KLRG1: variants seen among roughly 807,000 people sequenced by gnomAD.
The protein encoded by KLRG1 is killer cell lectin like receptor G1.
In KLRG1, 16 loss-of-function variants were observed where a neutral mutation model predicts 21.8. The observed-to-expected ratio is 0.73, with a 90% CI of 0.50 to 1.11. KLRG1 has a LOEUF of 1.11. KLRG1 is among the 50% of genes most tolerant of loss of function. The pLI is 0.00. For synonymous variants in KLRG1, 69 were observed against 75.9 expected (o/e 0.91, Z 0.47); for missense variants, 173 against 218.3 (o/e 0.79, Z 1.31).
the KLRG1 span, chr12:9,116,175 A>C: frequency 6.0e-6 from 2 of 332,206 alleles, no homozygotes; most frequent in South Asian, 2.6e-5. Flanking sequence ...TCTCTCCCTC[A>C]CTCCCCCACA....
chr12:9,158,554 T>A, the KLRG1 span: 1 of 1,614,098 alleles, frequency 6.2e-7, no homozygotes, highest in Non-Finnish European at 8.5e-7. Context: ...TGGGCGAAAG[T>A]CTTCAGTACA....
the KLRG1 span, among the ~76,000 whole-genome samples, chr12:9,095,921 G>A: frequency 3.3e-5 from 5 of 150,898 alleles, no homozygotes; most frequent in East Asian, 5.8e-4. Context: ...CACCGCGCCC[G>A]GCTAATTTTT....
the KLRG1 span, chr12:9,158,286 A>G: frequency 1.5e-6 from 2 of 1,319,768 alleles, no homozygotes; most frequent in Non-Finnish European, 2.1e-6. Flanking sequence ...AAAGTGTAAT[A>G]CTCTTTCCCT....
the KLRG1 span, among the ~76,000 whole-genome samples, chr12:9,124,666 G>T: frequency 5.3e-5 from 8 of 152,362 alleles, no homozygotes; most frequent in South Asian, 8.3e-4. Context: ...GAGCCGGGAA[G>T]ACCCTCCCCT....
At chr12:9,197,337 G>C in the KLRG1 span, among the ~76,000 whole-genome samples, 3 of 144,486 alleles carry the variant, frequency 2.1e-5, no homozygotes, top group African/African-American at 7.7e-5. Flanking sequence ...CATTCTCTTT[G>C]GGATTGAATA....
chr12:8,951,681 A>G (rs943655799), intron 1 of KLRG1, among the ~76,000 whole-genome samples: 1 of 152,200 alleles, frequency 6.6e-6, no homozygotes, highest in Non-Finnish European at 1.5e-5. Flanking sequence ...AATATATAAT[A>G]TAGATCTTGG....
the KLRG1 span, among the ~76,000 whole-genome samples, chr12:9,033,532 G>T: frequency 3.9e-5 from 6 of 152,126 alleles, no homozygotes; most frequent in Non-Finnish European, 7.3e-5. Flanking sequence ...GGGAAATTGG[G>T]CACTGCTTGC....
chr12:9,104,500 A>T, the KLRG1 span: 4 of 1,287,812 alleles, frequency 3.1e-6, no homozygotes, highest in Non-Finnish European at 4.3e-6. Context: ...TATGTTGAAC[A>T]TGGTTCCAGG....
chr12:9,075,340 A>G, the KLRG1 span, among the ~76,000 whole-genome samples: 1 of 152,230 alleles, frequency 6.6e-6, no homozygotes, highest in Non-Finnish European at 1.5e-5. Flanking sequence ...TGCTTAGCCC[A>G]CTAATCAGTC....
chr12:9,020,985 C>T, the KLRG1 span, among the ~76,000 whole-genome samples: 1 of 152,152 alleles, frequency 6.6e-6, no homozygotes, highest in Non-Finnish European at 1.5e-5. Flanking sequence ...CAAACCTGCA[C>T]AGCAAGTTAC....
the KLRG1 span, chr12:9,200,281 A>G: frequency 3.3e-6 from 3 of 911,392 alleles, no homozygotes; most frequent in Non-Finnish European, 4.9e-6. Flanking sequence ...GCTGAGGCAA[A>G]GTAAATTTAT....
the KLRG1 span, chr12:9,201,274 C>T: frequency 6.9e-7 from 1 of 1,447,786 alleles, no homozygotes; most frequent in Non-Finnish European, 9.6e-7. Context: ...ATCAGAACCT[C>T]CTACTCTCTA....
chr12:9,134,468 A>G, the KLRG1 span, among the ~76,000 whole-genome samples: 1 of 152,180 alleles, frequency 6.6e-6, no homozygotes, highest in African/African-American at 2.4e-5. Flanking sequence ...GTAAGTGTAC[A>G]ATATATTATT....
chr12:9,200,767 C>G, the KLRG1 span: 2 of 1,028,670 alleles, frequency 1.9e-6, no homozygotes, highest in Admixed American at 4.8e-5. Flanking sequence ...TCCTAATGGT[C>G]TTAGAAGCAG....
the KLRG1 span, chr12:9,090,623 A>T: frequency 1.2e-6 from 1 of 824,408 alleles, no homozygotes; most frequent in Non-Finnish European, 1.9e-6. Flanking sequence ...CAAGTACCTG[A>T]AATATATTTA....
At chr12:9,174,142 C>T in the KLRG1 span, among the ~76,000 whole-genome samples, 1 of 152,196 alleles carries the variant, frequency 6.6e-6, no homozygotes, top group Non-Finnish European at 1.5e-5. Context: ...ACCAAGTAGG[C>T]TTCATCCCTG....
At chr12:8,993,514 T>C (rs752277450) in intron 2 of KLRG1, among the ~76,000 whole-genome samples, 2 of 152,044 alleles carry the variant, frequency 1.3e-5, no homozygotes, top group South Asian at 4.1e-4. Flanking sequence ...GGTCTCGAAC[T>C]CCTGACCTTG....
the KLRG1 span, among the ~76,000 whole-genome samples, chr12:9,143,047 G>A: frequency 6.6e-6 from 1 of 152,184 alleles, no homozygotes; most frequent in Non-Finnish European, 1.5e-5. Flanking sequence ...AAAGGCCTTT[G>A]AATATACTCA....
chr12:9,079,387 G>T, the KLRG1 span: 1 of 1,520,038 alleles, frequency 6.6e-7, no homozygotes, highest in Non-Finnish European at 9.1e-7. Context: ...GCTGAGGGTG[G>T]AGAAATTACT....
Sources: gnomAD v4.1 joint callset for allele counts (sites outside exome capture counted in the v4.1 genomes callset) on GRCh38, gnomAD v4.1.1 for gene constraint, MANE v1.5 for transcripts, NCBI Gene and HGNC (gene_info 2026-07-23, HGNC 2026-07-21) for gene names.